The following GNAQ variants were observed in gnomAD, a reference collection of about 807,000 sequenced individuals.
The protein encoded by GNAQ is G protein subunit alpha q, also known as guanine nucleotide-binding protein G(q) subunit alpha.
A neutral mutation model predicts 43.9 loss-of-function variants in GNAQ; 8 were observed. The ratio of observed to expected loss-of-function variants is 0.18; its 90% confidence interval spans 0.11 to 0.33. The LOEUF is 0.33. Ranked by LOEUF, GNAQ falls within the 10% of genes least tolerant of loss-of-function variation. GNAQ has a pLI of 1.00. For synonymous variants in GNAQ, 155 were observed against 170.7 expected (o/e 0.91, Z 0.71); for missense variants, 158 against 450.8 (o/e 0.35, Z 5.88).
At chr9:77,955,090 G>A (rs189690208) in intron 1 of GNAQ, among the ~76,000 whole-genome samples, 1 of 152,276 alleles carries the variant, frequency 6.6e-6, no homozygotes, top group Non-Finnish European at 1.5e-5. Flanking sequence ...AAGAATGTTC[G>A]AACTCCACAG....
At chr9:77,830,974 T>C (rs1216443747) in intron 2 of GNAQ, among the ~76,000 whole-genome samples, 1 of 152,192 alleles carries the variant, frequency 6.6e-6, no homozygotes, top group Non-Finnish European at 1.5e-5. Flanking sequence ...TTCAGTTAGT[T>C]TGAAAGAACA....
chr9:77,978,440 T>A (rs1823329634), intron 1 of GNAQ, among the ~76,000 whole-genome samples: 1 of 152,230 alleles, frequency 6.6e-6, no homozygotes, highest in African/African-American at 2.4e-5. Flanking sequence ...TCCTGCCTCT[T>A]TTCCTGCCTT....
chr9:77,912,467 A>C (rs1176803152), intron 2 of GNAQ, among the ~76,000 whole-genome samples: 2 of 152,212 alleles, frequency 1.3e-5, no homozygotes, highest in Non-Finnish European at 2.9e-5. Context: ...AAATCCAGCA[A>C]ATTATCTACA....
At chr9:77,989,076 C>CT (rs1248791766) in intron 1 of GNAQ, among the ~76,000 whole-genome samples, 1 of 151,926 alleles carries the variant, frequency 6.6e-6, no homozygotes, top group African/African-American at 2.4e-5. Context: ...GCTGGCAAAA[C>CT]TTTTTTTTAG....
intron 1 of GNAQ, among the ~76,000 whole-genome samples, chr9:78,026,680 C>G (rs936418979): frequency 2.6e-5 from 4 of 152,114 alleles, no homozygotes; most frequent in African/African-American, 9.7e-5. Flanking sequence ...CTCCAGTGAA[C>G]CCTACTGAGG....
At chr9:77,739,344 C>G (rs532925657) in intron 5 of GNAQ, among the ~76,000 whole-genome samples, 4 of 152,002 alleles carry the variant, frequency 2.6e-5, no homozygotes, top group Non-Finnish European at 5.9e-5. Context: ...GAATTGTCTG[C>G]TCCTGTCTTT....
At chr9:77,791,795 G>A (rs1422468285) in intron 5 of GNAQ, among the ~76,000 whole-genome samples, 1 of 152,144 alleles carries the variant, frequency 6.6e-6, no homozygotes, top group Admixed American at 6.5e-5. Context: ...TCCATTCCTA[G>A]GTTTTTCTCA....
At chr9:77,753,095 A>G (rs1377814686) in intron 5 of GNAQ, among the ~76,000 whole-genome samples, 3 of 151,360 alleles carry the variant, frequency 2.0e-5, no homozygotes, top group Non-Finnish European at 2.9e-5. Context: ...TCAAAAAAAA[A>G]AAAAAAAAAA....
At chr9:77,862,929 A>G (rs944555334) in intron 2 of GNAQ, among the ~76,000 whole-genome samples, 1 of 152,206 alleles carries the variant, frequency 6.6e-6, no homozygotes, top group Non-Finnish European at 1.5e-5. Context: ...CTGTAATCCC[A>G]GCACTTTGGG....
intron 2 of GNAQ, among the ~76,000 whole-genome samples, chr9:77,891,219 AAAT>A (rs1828399805): frequency 1.3e-5 from 2 of 152,040 alleles, no homozygotes; most frequent in Non-Finnish European, 2.9e-5. Flanking sequence ...ATTCTCATCT[AAAT>A]TATTCTTTTT....
At chr9:77,957,440 T>C (rs763513130) in intron 1 of GNAQ, among the ~76,000 whole-genome samples, 1 of 152,166 alleles carries the variant, frequency 6.6e-6, no homozygotes, top group Non-Finnish European at 1.5e-5. Context: ...CAGCTCTTGC[T>C]TGCCCCTATC....
At chr9:77,968,632 A>C (rs1475643295) in intron 1 of GNAQ, among the ~76,000 whole-genome samples, 1 of 152,258 alleles carries the variant, frequency 6.6e-6, no homozygotes, top group Non-Finnish European at 1.5e-5. Flanking sequence ...TCCATTTCCC[A>C]ATCCACAACA....
At chr9:77,781,635 A>G (rs771854052) in intron 5 of GNAQ, among the ~76,000 whole-genome samples, 2 of 152,110 alleles carry the variant, frequency 1.3e-5, no homozygotes, top group Non-Finnish European at 2.9e-5. Flanking sequence ...AATCACATCT[A>G]ACAATGTATA....
chr9:77,728,018 CAG>C (rs1351382595), intron 6 of GNAQ, among the ~76,000 whole-genome samples: 1 of 150,676 alleles, frequency 6.6e-6, no homozygotes, highest in African/African-American at 2.5e-5. Context: ...TTTTTTTAGA[CAG>C]AGTCTTGCTC....
chr9:77,816,835 A>T (rs1355214811), intron 2 of GNAQ, among the ~76,000 whole-genome samples: 1 of 152,188 alleles, frequency 6.6e-6, no homozygotes, highest in Non-Finnish European at 1.5e-5. Flanking sequence ...AATTTTAATA[A>T]ATGTGATCCA....
chr9:77,874,518 G>C (rs538242278), intron 2 of GNAQ, among the ~76,000 whole-genome samples: 68 of 152,320 alleles, frequency 4.5e-4, no homozygotes, highest in African/African-American at 1.5e-3. Context: ...AGTCTAGAGA[G>C]AGAATTTGGG....
At chr9:77,898,969 C>T (rs186978619) in intron 2 of GNAQ, among the ~76,000 whole-genome samples, 2 of 152,222 alleles carry the variant, frequency 1.3e-5, no homozygotes, top group African/African-American at 4.8e-5. Flanking sequence ...ATGTTTATTT[C>T]AGCTGAAAAG....
chr9:77,935,108 G>C (rs1829211710), intron 1 of GNAQ, among the ~76,000 whole-genome samples: 1 of 152,218 alleles, frequency 6.6e-6, no homozygotes, highest in Admixed American at 6.5e-5. Context: ...CTGGACGACA[G>C]AGTGAGATGC....
intron 3 of GNAQ, among the ~76,000 whole-genome samples, chr9:77,798,738 C>A (rs1349222059): frequency 6.6e-6 from 1 of 152,174 alleles, no homozygotes; most frequent in East Asian, 1.9e-4. Flanking sequence ...AGCTGTTATA[C>A]TGTAGTGTGT....
Sources: gnomAD v4.1 joint callset for allele counts (sites outside exome capture counted in the v4.1 genomes callset) on GRCh38, gnomAD v4.1.1 for gene constraint, MANE v1.5 for transcripts, NCBI Gene and HGNC (gene_info 2026-07-23, HGNC 2026-07-21) for gene names.